Variants in PPFIA2 observed in about 807,000 individuals in gnomAD.
PPFIA2 encodes PPFI scaffold protein A2.
A neutral mutation model predicts 175.5 loss-of-function variants in PPFIA2; 46 were observed. The observed-to-expected ratio is 0.26, with a 90% CI of 0.21 to 0.34. The LOEUF is 0.34. Ranked by LOEUF, PPFIA2 falls within the 10% of genes least tolerant of loss-of-function variation. The probability of loss-of-function intolerance (pLI) is 1.00; values close to 1 mark genes in which losing one functional copy is unlikely to be tolerated. For missense variants in PPFIA2, 1,179 were observed against 1,506.1 expected, an observed-to-expected ratio of 0.78 and a Z score of 3.60; for synonymous variants, 568 against 511.4, an observed-to-expected ratio of 1.11 and a Z score of -1.49.
chr12:81,571,501 C>T (rs2072538074), intron 4 of PPFIA2, among the ~76,000 whole-genome samples: 2 of 152,044 alleles, frequency 1.3e-5, no homozygotes, highest in South Asian at 4.1e-4. Context: ...GGGTTGAAAT[C>T]CCAGCTCTTC....
intron 3 of PPFIA2, among the ~76,000 whole-genome samples, chr12:81,682,310 A>T (rs10862339): frequency 2.0e-5 from 3 of 151,750 alleles, no homozygotes; most frequent in African/African-American, 7.3e-5. Flanking sequence ...GAGCACCCTC[A>T]GAAGAAATAA....
chr12:81,577,452 C>A (rs1730971015), intron 4 of PPFIA2, among the ~76,000 whole-genome samples: 1 of 151,770 alleles, frequency 6.6e-6, no homozygotes, highest in Non-Finnish European at 1.5e-5. Flanking sequence ...CATTAAACCA[C>A]CATAATAGGA....
chr12:81,605,373 C>G (rs1005833912), intron 4 of PPFIA2, among the ~76,000 whole-genome samples: 2 of 151,098 alleles, frequency 1.3e-5, no homozygotes, highest in South Asian at 4.2e-4. Flanking sequence ...AAGAGAGAGA[C>G]AGATGAAAGT....
intron 4 of PPFIA2, among the ~76,000 whole-genome samples, chr12:81,590,837 C>T (rs903595780): frequency 6.6e-6 from 1 of 152,086 alleles, no homozygotes; most frequent in South Asian, 2.1e-4. Flanking sequence ...TCTTTTTCTT[C>T]CCAGTCTTGG....
chr12:81,450,893 A>C (rs1207108504), intron 5 of PPFIA2, among the ~76,000 whole-genome samples: 1 of 152,118 alleles, frequency 6.6e-6, no homozygotes, highest in Non-Finnish European at 1.5e-5. Flanking sequence ...AAGCTTGGAC[A>C]TAATACATTG....
At position 81,551,394 on chromosome 12, in the gene PPFIA2, C is replaced by T. The variant is rs575339413; in HGVS notation, c.304-93528G>A. Among the ~76,000 whole-genome samples the T allele has an allele frequency of 2.6e-5, 4 of 151,932 alleles. No individual in the cohort carries two copies. In the South Asian group the frequency reaches 8.3e-4, roughly 32 times the overall value. ...TCTGTCATTAGAAAGTACAGTCCAC[C>T]TTCCATGTCCAAACAGATAAAAAAT... On this transcript the variant is annotated intron_variant, in intron 4 of 32. Coordinates refer to ENST00000549396, the MANE Select transcript of PPFIA2 (RefSeq NM_003625.5).
At chr12:81,496,297 C>T (rs1360551650) in intron 4 of PPFIA2, among the ~76,000 whole-genome samples, 3 of 151,950 alleles carry the variant, frequency 2.0e-5, no homozygotes, top group Non-Finnish European at 4.4e-5. Context: ...ATGTGTGATC[C>T]GTGATTTAAT....
intron 7 of PPFIA2, among the ~76,000 whole-genome samples, chr12:81,425,417 T>C (rs1362506220): frequency 6.6e-6 from 1 of 152,208 alleles, no homozygotes; most frequent in Non-Finnish European, 1.5e-5. Context: ...CAATCTTGGC[T>C]CACTGCAACC....
In PPFIA2 at chr12:81,374,552, A is replaced by G; in HGVS notation, c.1266+82T>C. 2.8e-6 allele frequency: 4 copies of G among 1,444,548 alleles called. No individual in the cohort carries two copies. In the South Asian group the frequency reaches 4.4e-5, roughly 16 times the overall value. The allele number at this position is 1,444,548 out of a possible 1,614,324, so 89.5% of individuals were successfully genotyped here. A position where few individuals can be genotyped will look rare whatever the true frequency, so the allele number is the denominator to read the frequency against. On this transcript the variant is annotated intron_variant, in intron 11 of 32. Coordinates refer to ENST00000549396, the MANE Select transcript of PPFIA2 (RefSeq NM_003625.5). ...TAAACTTAATTTTCATAAAGCCTAT[A>G]GAAAATCTTTACACATTCCATTTTG...
chr12:81,695,075 C>T (rs1357118803), intron 3 of PPFIA2, among the ~76,000 whole-genome samples: 2 of 151,932 alleles, frequency 1.3e-5, no homozygotes, highest in Admixed American at 6.6e-5. Context: ...TTTTATTTTT[C>T]AGGCTCATAG....
At chr12:81,311,732 C>G (rs1428441378) in intron 22 of PPFIA2, among the ~76,000 whole-genome samples, 4 of 48,390 alleles carry the variant, frequency 8.3e-5, no homozygotes, top group African/African-American at 3.4e-4. Context: ...GACTCTGTCT[C>G]AAAAAAAAAA....
At chr12:81,515,971 ATT>A (rs368297217) in intron 4 of PPFIA2, among the ~76,000 whole-genome samples, 3 of 149,354 alleles carry the variant, frequency 2.0e-5, no homozygotes, top group Non-Finnish European at 4.5e-5. Flanking sequence ...AGCATGCCAA[ATT>A]TTTTTTTTTG....
intron 23 of PPFIA2, among the ~76,000 whole-genome samples, chr12:81,296,268 G>A (rs180881861): frequency 9.3e-4 from 142 of 152,294 alleles, no homozygotes; most frequent in Non-Finnish European, 1.7e-3. Flanking sequence ...GCAGTGAGCT[G>A]AGACTGTGCC....
intron 30 of PPFIA2, among the ~76,000 whole-genome samples, chr12:81,265,817 T>G (rs936492589): frequency 3.3e-5 from 5 of 152,278 alleles, no homozygotes; most frequent in East Asian, 1.9e-4. Flanking sequence ...TCTTCAATAA[T>G]TTTTTATTAG....
intron 4 of PPFIA2, among the ~76,000 whole-genome samples, chr12:81,528,153 T>C (rs995623947): frequency 6.6e-6 from 1 of 152,024 alleles, no homozygotes; most frequent in Non-Finnish European, 1.5e-5. Flanking sequence ...CAGTATTTTT[T>C]TGAATGAATG....
chr12:81,490,216 GC>G (rs1230660952), intron 4 of PPFIA2, among the ~76,000 whole-genome samples: 1 of 151,906 alleles, frequency 6.6e-6, no homozygotes, highest in Non-Finnish European at 1.5e-5. Context: ...TATAAGGTCA[GC>G]CTTTGGAAAA....
chr12:81,697,884 A>T (rs2076068232), intron 3 of PPFIA2, among the ~76,000 whole-genome samples: 1 of 152,134 alleles, frequency 6.6e-6, no homozygotes, highest in South Asian at 2.1e-4. Flanking sequence ...CAATCAAGGA[A>T]ATATCCAACA....
chr12:81,527,829 C>T (rs2063917350), intron 4 of PPFIA2, among the ~76,000 whole-genome samples: 1 of 152,044 alleles, frequency 6.6e-6, no homozygotes, highest in Non-Finnish European at 1.5e-5. Flanking sequence ...CTGCTTCCTG[C>T]TTCCATCATA....
At chr12:81,606,034 A>G (rs1427805405) in intron 4 of PPFIA2, among the ~76,000 whole-genome samples, 1 of 151,840 alleles carries the variant, frequency 6.6e-6, no homozygotes, top group Non-Finnish European at 1.5e-5. Flanking sequence ...TCTGTACTCA[A>G]TGCTTAGCTT....
Sources: gnomAD v4.1 joint callset for allele counts (sites outside exome capture counted in the v4.1 genomes callset) on GRCh38, gnomAD v4.1.1 for gene constraint, MANE v1.5 for transcripts, NCBI Gene and HGNC (gene_info 2026-07-23, HGNC 2026-07-21) for gene names.